Variants in UBAP1 observed in about 807,000 individuals in gnomAD.
UBAP1 encodes the protein ubiquitin associated protein 1.
Under a neutral mutation model 39.0 loss-of-function variants are expected in UBAP1, and 5 were observed. That is an observed-to-expected ratio of 0.13 (90% CI 0.07 to 0.27). UBAP1 has a LOEUF of 0.27. UBAP1 is among the 10% of genes least tolerant of loss of function. The probability of loss-of-function intolerance (pLI) is 1.00; values close to 1 mark genes in which losing one functional copy is unlikely to be tolerated. For missense variants in UBAP1, 490 were observed against 608.1 expected (o/e 0.81, Z 2.04); for synonymous variants, 211 against 225.1 (o/e 0.94, Z 0.56).
At chr9:34,232,017 G>A (rs1469521597) in intron 2 of UBAP1, among the ~76,000 whole-genome samples, 1 of 152,042 alleles carries the variant, frequency 6.6e-6, no homozygotes, top group East Asian at 1.9e-4. Context: ...TCCTAAGGTG[G>A]TAGTATTAAC....
chr9:34,180,531 A>G (rs1366416050), intron 1 of UBAP1, among the ~76,000 whole-genome samples: 1 of 151,962 alleles, frequency 6.6e-6, no homozygotes, highest in Non-Finnish European at 1.5e-5. Context: ...AAGTTTACGT[A>G]TTATGGCAAA....
chr9:34,217,882 C>T (rs1832425846), intron 1 of UBAP1, among the ~76,000 whole-genome samples: 1 of 142,332 alleles, frequency 7.0e-6, no homozygotes, highest in African/African-American at 2.6e-5. Context: ...ACTGCAACCT[C>T]CGTCTCCCAG....
chr9:34,180,362 G>A (rs1829947367), intron 1 of UBAP1, among the ~76,000 whole-genome samples: 1 of 152,014 alleles, frequency 6.6e-6, no homozygotes, highest in Admixed American at 6.6e-5. Context: ...TAAAAAGCCA[G>A]CCGGGCGTGG....
intron 1 of UBAP1, chr9:34,201,530 T>G (rs563755230): frequency 6.6e-6 from 1 of 152,308 alleles, no homozygotes; most frequent in East Asian, 1.9e-4. Flanking sequence ...GGTGGCAGAC[T>G]GAGACTGTCA....
chr9:34,193,981 T>G (rs1173265900), intron 1 of UBAP1, among the ~76,000 whole-genome samples: 1 of 152,148 alleles, frequency 6.6e-6, no homozygotes, highest in Non-Finnish European at 1.5e-5. Context: ...AGGTTTTGTT[T>G]CCTGAGACCT....
chr9:34,179,975 T>A (rs556679012), intron 1 of UBAP1, among the ~76,000 whole-genome samples: 1 of 152,284 alleles, frequency 6.6e-6, no homozygotes, highest in South Asian at 2.1e-4. Flanking sequence ...GAAAAAAAAA[T>A]TGTTACTTTT....
At chr9:34,207,740 G>A (rs1398434623) in intron 1 of UBAP1, among the ~76,000 whole-genome samples, 4 of 150,840 alleles carry the variant, frequency 2.7e-5, no homozygotes, top group Non-Finnish European at 5.9e-5. Context: ...CAGTTCTCTT[G>A]TTTCAGCACA....
intron 2 of UBAP1, among the ~76,000 whole-genome samples, chr9:34,224,847 A>G (rs906882307): frequency 3.9e-5 from 6 of 152,138 alleles, no homozygotes; most frequent in Non-Finnish European, 8.8e-5. Flanking sequence ...CTTCTCAGGA[A>G]GCTGCTTAGC....
chr9:34,246,977 C>T (rs1834210927), intron 4 of UBAP1, among the ~76,000 whole-genome samples: 1 of 152,138 alleles, frequency 6.6e-6, no homozygotes, highest in East Asian at 1.9e-4. Flanking sequence ...CCAGAGTCAA[C>T]CTTTGCCCCT....
rs1397862471 is a variant in UBAP1, at chr9:34,198,714, C to A, written c.-8+19474C>A. On this transcript the variant is annotated intron_variant, in intron 1 of 6. Transcript: ENST00000297661. The stretch of plus-strand genomic sequence containing the variant: ...CAGTGGTCTAGCCCTCCCATTTCTT[C>A]CCTATGAGGCAAGACAGACATGGAT... Among the ~76,000 whole-genome samples the A allele has an allele frequency of 2.0e-5, 3 of 152,320 alleles. No homozygotes were observed. The East Asian group carries it at 5.8e-4, about 29-fold the overall frequency.
At chr9:34,242,795 G>T (rs1223567839) in intron 4 of UBAP1, among the ~76,000 whole-genome samples, 3 of 152,122 alleles carry the variant, frequency 2.0e-5, no homozygotes, top group Admixed American at 1.3e-4. Flanking sequence ...AAATTCCTGG[G>T]ATTACAGGGG....
At chr9:34,189,512 C>T (rs1830601959) in intron 1 of UBAP1, among the ~76,000 whole-genome samples, 2 of 151,646 alleles carry the variant, frequency 1.3e-5, no homozygotes, top group South Asian at 2.1e-4. Flanking sequence ...TATAGGATAC[C>T]TCATGAGAGA....
intron 3 of UBAP1, among the ~76,000 whole-genome samples, chr9:34,235,479 C>A (rs1833647760): frequency 6.6e-6 from 1 of 152,048 alleles, no homozygotes; most frequent in Non-Finnish European, 1.5e-5. Context: ...GCTGGGACTA[C>A]AGGCGCCCGC....
intron 2 of UBAP1, among the ~76,000 whole-genome samples, chr9:34,227,849 C>T (rs1311057058): frequency 6.6e-6 from 1 of 152,180 alleles, no homozygotes; most frequent in Non-Finnish European, 1.5e-5. Flanking sequence ...ATTTTAAATT[C>T]TAGATACATT....
intron 2 of UBAP1, among the ~76,000 whole-genome samples, chr9:34,226,577 A>G (rs918918707): frequency 6.6e-6 from 1 of 152,078 alleles, no homozygotes; most frequent in African/African-American, 2.4e-5. Context: ...GGTGTGGTGG[A>G]GCTTCTCTAT....
At chr9:34,224,391 A>G in intron 2 of UBAP1, 1 of 423,126 alleles carries the variant, frequency 2.4e-6, no homozygotes, top group Non-Finnish European at 4.5e-6. Flanking sequence ...TGTAGACAAC[A>G]TCGATGATCC....
At chr9:34,250,055 A>G in intron 5 of UBAP1, 94 bp downstream of exon 5, 1 of 1,350,170 alleles carries the variant, frequency 7.4e-7, no homozygotes. Context: ...TTGTAGCACC[A>G]ACCTCCTTTC....
chr9:34,249,361 C>G (rs1039009240), intron 4 of UBAP1, among the ~76,000 whole-genome samples: 1 of 152,084 alleles, frequency 6.6e-6, no homozygotes, highest in African/African-American at 2.4e-5. Flanking sequence ...AATGATGCCT[C>G]AGAACTGATA....
chr9:34,187,122 G>A (rs1399980536), intron 1 of UBAP1, among the ~76,000 whole-genome samples: 4 of 152,128 alleles, frequency 2.6e-5, no homozygotes, highest in African/African-American at 7.2e-5. Context: ...TGGTCAGGCT[G>A]GTCTTGAACT....
Sources: allele counts gnomAD v4.1 joint callset (sites outside exome capture counted in the v4.1 genomes callset), GRCh38; gene constraint gnomAD v4.1.1; transcripts MANE v1.5; gene names NCBI Gene and HGNC (gene_info 2026-07-23, HGNC 2026-07-21).